Variants in FRMD4A observed in about 807,000 individuals in gnomAD.
FRMD4A encodes the protein FERM domain-containing protein 4A.
Under a neutral mutation model 129.1 loss-of-function variants are expected in FRMD4A, and 29 were observed. That is an observed-to-expected ratio of 0.22 (90% CI 0.17 to 0.31). The LOEUF (loss-of-function observed/expected upper bound fraction) is 0.31. Ranked by LOEUF, FRMD4A falls within the 10% of genes least tolerant of loss-of-function variation. The pLI is 1.00. For missense variants in FRMD4A, 1,272 were observed against 1,375.8 expected (o/e 0.92, Z 1.19); for synonymous variants, 634 against 571.6 (o/e 1.11, Z -1.56).
chr10:14,230,234 CA>C (rs1843591664), intron 2 of FRMD4A, among the ~76,000 whole-genome samples: 1 of 152,136 alleles, frequency 6.6e-6, no homozygotes, highest in Non-Finnish European at 1.5e-5. Flanking sequence ...CATCTTGGGA[CA>C]AAAACACCAA....
chr10:14,086,856 G>C (rs902343359), intron 2 of FRMD4A, among the ~76,000 whole-genome samples: 4 of 152,192 alleles, frequency 2.6e-5, no homozygotes, highest in African/African-American at 9.7e-5. Flanking sequence ...TAACAGCAGG[G>C]AGTTGGAGAA....
intron 3 of FRMD4A, among the ~76,000 whole-genome samples, chr10:13,840,669 T>A (rs2093948437): frequency 6.6e-6 from 1 of 151,348 alleles, no homozygotes. Context: ...ATGCCTGTAA[T>A]CCCAGCTATT....
chr10:13,887,533 G>C (rs1192515521), intron 2 of FRMD4A, among the ~76,000 whole-genome samples: 1 of 152,126 alleles, frequency 6.6e-6, no homozygotes, highest in Non-Finnish European at 1.5e-5. Flanking sequence ...ACAAAAATTA[G>C]CTGGGCGTAG....
At chr10:14,286,354 G>A (rs72778688) in intron 2 of FRMD4A, among the ~76,000 whole-genome samples, 2,258 of 152,224 alleles carry the variant, frequency 0.015, 50 homozygotes, top group South Asian at 0.064. Context: ...AGACGCTCCC[G>A]TGTCCCTCAG....
chr10:14,241,542 C>T (rs1266086519), intron 2 of FRMD4A, among the ~76,000 whole-genome samples: 2 of 151,794 alleles, frequency 1.3e-5, no homozygotes, highest in Non-Finnish European at 2.9e-5. Context: ...TCTTGGAAAG[C>T]AGAAGTACAA....
chr10:13,666,890 C>T (rs554266644), intron 17 of FRMD4A, among the ~76,000 whole-genome samples: 8 of 149,174 alleles, frequency 5.4e-5, no homozygotes, highest in East Asian at 3.9e-4. Flanking sequence ...GCGTGTCTTT[C>T]GGGAGCTTTT....
At chr10:14,189,337 G>A (rs1207627686) in intron 2 of FRMD4A, among the ~76,000 whole-genome samples, 1 of 152,196 alleles carries the variant, frequency 6.6e-6, no homozygotes, top group Non-Finnish European at 1.5e-5. Flanking sequence ...ACTTTGGGAG[G>A]CAGAGGTGGG....
intron 2 of FRMD4A, among the ~76,000 whole-genome samples, chr10:13,931,802 A>AGC (rs1565063311): frequency 6.6e-6 from 1 of 151,418 alleles, no homozygotes; most frequent in Non-Finnish European, 1.5e-5. Context: ...AATAGAAAAT[A>AGC]GCTGGGTGTG....
At chr10:14,185,471 A>G (rs566770714) in intron 2 of FRMD4A, among the ~76,000 whole-genome samples, 22 of 152,338 alleles carry the variant, frequency 1.4e-4, no homozygotes, top group African/African-American at 4.1e-4. Flanking sequence ...TACAAAAAAC[A>G]TTACAACATT....
intron 2 of FRMD4A, among the ~76,000 whole-genome samples, chr10:13,926,782 G>C (rs528218318): frequency 7.2e-5 from 11 of 152,332 alleles, no homozygotes; most frequent in African/African-American, 2.6e-4. Flanking sequence ...AGAATGAACA[G>C]AGCCAAGACG....
intron 3 of FRMD4A, among the ~76,000 whole-genome samples, chr10:13,813,023 G>A (rs1008956279): frequency 1.3e-5 from 2 of 152,328 alleles, no homozygotes; most frequent in African/African-American, 4.8e-5. Context: ...TGAAGCTTCC[G>A]GTAAATGCTG....
chr10:13,814,704 G>A (rs1038583206), intron 3 of FRMD4A, among the ~76,000 whole-genome samples: 23 of 151,260 alleles, frequency 1.5e-4, no homozygotes, highest in African/African-American at 5.6e-4. Flanking sequence ...AAAAAAGAGA[G>A]CTAAACTTTA....
At chr10:14,014,127 C>T (rs574770959) in intron 2 of FRMD4A, among the ~76,000 whole-genome samples, 5 of 152,150 alleles carry the variant, frequency 3.3e-5, no homozygotes, top group African/African-American at 1.2e-4. Context: ...CCCATGGTTC[C>T]CACTGCAGCC....
At chr10:13,688,578 AAG>A (rs1462929319) in intron 15 of FRMD4A, among the ~76,000 whole-genome samples, 1 of 152,178 alleles carries the variant, frequency 6.6e-6, no homozygotes, top group Non-Finnish European at 1.5e-5. Context: ...TATTAAAAAA[AAG>A]AATCTGGTGA....
Position 14,000,896 on chromosome 10 carries a change from C to G in FRMD4A, c.46-141984G>C, listed in dbSNP as rs188972090. ...CTTCGGAAGGCCTCAGGTAACTATC[C>G]AGAGACTCTCCTCAATGTGCTGGAC... On this transcript the variant is annotated intron_variant, in intron 2 of 24. Transcript: ENST00000357447. Among the ~76,000 whole-genome samples, 311 of 152,178 alleles carry G rather than the reference C, an allele frequency of 2.0e-3. 2 individuals carry two copies. The highest frequency in any genetic ancestry group is 7.1e-3 in the African/African-American group (296 of 41,524).
At chr10:14,050,208 C>T (rs1008827167) in intron 2 of FRMD4A, among the ~76,000 whole-genome samples, 14 of 152,220 alleles carry the variant, frequency 9.2e-5, no homozygotes, top group African/African-American at 3.4e-4. Context: ...AAAGCAAAGA[C>T]ACATTAAGCA....
At chr10:14,292,425 T>C (rs950431518) in intron 2 of FRMD4A, among the ~76,000 whole-genome samples, 40 of 152,214 alleles carry the variant, frequency 2.6e-4, no homozygotes, top group African/African-American at 9.2e-4. Context: ...AGAGACATCA[T>C]TCCAAATGCA....
chr10:13,685,668 G>T, intron 15 of FRMD4A: 1 of 982,768 alleles, frequency 1.0e-6, no homozygotes, highest in African/African-American at 1.7e-5. Flanking sequence ...TCTCTTTTTA[G>T]TATTTAAAAT....
intron 2 of FRMD4A, among the ~76,000 whole-genome samples, chr10:14,103,181 C>A (rs905040864): frequency 6.6e-6 from 1 of 152,140 alleles, no homozygotes. Flanking sequence ...CAGCATCCAC[C>A]CCAAGATGCT....
Sources: gnomAD v4.1 joint callset for allele counts (sites outside exome capture counted in the v4.1 genomes callset) on GRCh38, gnomAD v4.1.1 for gene constraint, MANE v1.5 for transcripts, NCBI Gene and HGNC (gene_info 2026-07-23, HGNC 2026-07-21) for gene names.